MBD5: variants seen among roughly 807,000 people sequenced by gnomAD.
MBD5 encodes the protein methyl-CpG binding domain protein 5, also known as methyl-CpG-binding domain protein 5.
A neutral mutation model predicts 117.3 loss-of-function variants in MBD5; 13 were observed. That is an observed-to-expected ratio of 0.11 (90% confidence interval 0.07 to 0.18). MBD5 has a LOEUF of 0.18. MBD5 is among the 10% of genes least tolerant of loss of function. The pLI, the probability that MBD5 is intolerant of heterozygous loss-of-function variation, is 1.00. For missense variants in MBD5, 1,879 were observed against 2,093.8 expected (o/e 0.90, Z 2.00); for synonymous variants, 727 against 766.4 (o/e 0.95, Z 0.85).
chr2:148,100,342 A>T (rs190619145), intron 1 of MBD5, among the ~76,000 whole-genome samples: 1 of 152,326 alleles, frequency 6.6e-6, no homozygotes, highest in East Asian at 1.9e-4. Context: ...AGATTTTCCT[A>T]TAAGTTCAAA....
At chr2:148,348,944 A>G (rs776189866) in intron 4 of MBD5, among the ~76,000 whole-genome samples, 8 of 152,112 alleles carry the variant, frequency 5.3e-5, no homozygotes, top group Non-Finnish European at 1.2e-4. Flanking sequence ...AATTAACAGA[A>G]CTAATACCAT....
intron 1 of MBD5, among the ~76,000 whole-genome samples, chr2:148,139,803 G>A (rs1281228805): frequency 6.6e-6 from 1 of 152,062 alleles, no homozygotes; most frequent in Non-Finnish European, 1.5e-5. Context: ...TCTGAGCTTT[G>A]GTTCTGGCTT....
chr2:148,507,635 T>C (rs1267308022), intron 12 of MBD5, among the ~76,000 whole-genome samples: 1 of 151,970 alleles, frequency 6.6e-6, no homozygotes, highest in Non-Finnish European at 1.5e-5. Flanking sequence ...GGCGGGTGCC[T>C]GTAGTCCCAG....
At chr2:148,352,588 T>C (rs747401733) in intron 4 of MBD5, among the ~76,000 whole-genome samples, 2 of 152,074 alleles carry the variant, frequency 1.3e-5, no homozygotes, top group Non-Finnish European at 2.9e-5. Flanking sequence ...TATAATGTCA[T>C]TTGAAAAAAT....
intron 1 of MBD5, among the ~76,000 whole-genome samples, chr2:148,090,986 A>C (rs1695926855): frequency 6.6e-6 from 1 of 152,170 alleles, no homozygotes; most frequent in South Asian, 2.1e-4. Context: ...CTCAGGATTC[A>C]AAATCAATGT....
chr2:148,384,341 T>C (rs1053520639), intron 4 of MBD5, among the ~76,000 whole-genome samples: 1 of 152,088 alleles, frequency 6.6e-6, no homozygotes, highest in African/African-American at 2.4e-5. Context: ...AGCCAAATCA[T>C]GAGGGAACTC....
At chr2:148,461,336 GA>G (rs554339577) in intron 5 of MBD5, among the ~76,000 whole-genome samples, 5 of 150,052 alleles carry the variant, frequency 3.3e-5, no homozygotes, top group Non-Finnish European at 7.4e-5. Context: ...CATATCACCT[GA>G]AAAAAAAATA....
chr2:148,229,495 G>A (rs933251090), intron 2 of MBD5, among the ~76,000 whole-genome samples: 1 of 152,060 alleles, frequency 6.6e-6, no homozygotes, highest in Non-Finnish European at 1.5e-5. Flanking sequence ...TTGGTCCCTG[G>A]TGCCTTATCT....
intron 2 of MBD5, among the ~76,000 whole-genome samples, chr2:148,215,688 ATTTTTT>A (rs66589231): frequency 7.6e-6 from 1 of 132,028 alleles, no homozygotes; most frequent in Non-Finnish European, 1.6e-5. Context: ...TGCCCGGCTA[ATTTTTT>A]TTTTTTTTTT....
At chr2:148,509,495 G>A (rs1326705829) in intron 12 of MBD5, among the ~76,000 whole-genome samples, 1 of 152,156 alleles carries the variant, frequency 6.6e-6, no homozygotes, top group Non-Finnish European at 1.5e-5. Flanking sequence ...TTTGGCCCTG[G>A]GGGGCAGGCT....
chr2:148,390,497 ATATG>A (rs1214751825), intron 4 of MBD5, among the ~76,000 whole-genome samples: 1 of 146,062 alleles, frequency 6.8e-6, no homozygotes, highest in East Asian at 2.0e-4. Context: ...ATATGTGTAT[ATATG>A]TGTGTGTATG....
intron 1 of MBD5, among the ~76,000 whole-genome samples, chr2:148,103,458 T>G (rs1696283709): frequency 6.6e-6 from 1 of 152,212 alleles, no homozygotes. Context: ...AGCTCATCAC[T>G]GATAGAGGGA....
chr2:148,418,239 G>A (rs1242669803), intron 4 of MBD5, among the ~76,000 whole-genome samples: 1 of 151,930 alleles, frequency 6.6e-6, no homozygotes, highest in Admixed American at 6.6e-5. Context: ...CTATTCTGTG[G>A]GTTGTCTGTT....
chr2:148,446,617 T>TGTGTGTGTGTG (rs897865704), intron 4 of MBD5, among the ~76,000 whole-genome samples: 23 of 152,028 alleles, frequency 1.5e-4, no homozygotes, highest in African/African-American at 5.5e-4. Flanking sequence ...TGTGTGTGTG[T>TGTGTGTGTGTG]GTGTGTGTGT....
chr2:148,180,042 T>C (rs541761900), intron 2 of MBD5, among the ~76,000 whole-genome samples: 181 of 151,810 alleles, frequency 1.2e-3, no homozygotes, highest in Non-Finnish European at 2.2e-3. Flanking sequence ...CTTTTTTCTA[T>C]TTTTCTTTAT....
intron 2 of MBD5, among the ~76,000 whole-genome samples, chr2:148,186,983 G>A (rs1007894871): frequency 7.2e-5 from 11 of 152,148 alleles, no homozygotes; most frequent in Admixed American, 6.5e-4. Flanking sequence ...ACATCTGAAT[G>A]GAATATCCAC....
rs182390251 is a variant in MBD5 at position 148,179,556 on chromosome 2, A to G, written c.-831+763A>G. Among the ~76,000 whole-genome samples, 632 of 152,332 alleles carry G rather than the reference A, an allele frequency of 4.1e-3. 3 individuals are homozygous for G. The highest frequency in any genetic ancestry group is 5.5e-3 in the Non-Finnish European group (376 of 68,034). ...CATAGTTTCATATACTCATAACATT[A>G]TAACCCCTGAATACAAACCTCTTTT... On this transcript the variant is annotated intron_variant, in intron 2 of 13. Coordinates refer to ENST00000642680, the MANE Select transcript of MBD5 (RefSeq NM_001378120.1).
intron 3 of MBD5, among the ~76,000 whole-genome samples, chr2:148,294,191 A>G (rs1270436575): frequency 1.5e-5 from 2 of 137,792 alleles, no homozygotes; most frequent in Non-Finnish European, 3.0e-5. Flanking sequence ...TTTGGCCAGA[A>G]TGAAGTTTTT....
At chr2:148,337,961 G>A (rs1333699520) in intron 3 of MBD5, among the ~76,000 whole-genome samples, 3 of 152,138 alleles carry the variant, frequency 2.0e-5, no homozygotes, top group Non-Finnish European at 4.4e-5. Flanking sequence ...TGTAGCAGAT[G>A]ATAGTTTAGT....
Sources: allele counts gnomAD v4.1 joint callset (sites outside exome capture counted in the v4.1 genomes callset), GRCh38; gene constraint gnomAD v4.1.1; transcripts MANE v1.5; gene names NCBI Gene and HGNC (gene_info 2026-07-23, HGNC 2026-07-21).